The following NIBAN1 variants were observed in gnomAD, a reference collection of about 807,000 sequenced individuals.
The protein encoded by NIBAN1 is protein Niban 1.
NIBAN1 carries 81 observed loss-of-function variants against 75.1 expected under a neutral mutation model. That is an observed-to-expected ratio of 1.08 (90% CI 0.90 to 1.30). The LOEUF (loss-of-function observed/expected upper bound fraction) is 1.30. Ranked by LOEUF, NIBAN1 falls within the 50% of genes most tolerant of loss-of-function variation. NIBAN1 has a pLI of 0.00. For missense variants in NIBAN1, 1,133 were observed against 1,128.1 expected, an observed-to-expected ratio of 1.00 and a Z score of -0.06; for synonymous variants, 436 against 424.8, an observed-to-expected ratio of 1.03 and a Z score of -0.32.
chr1:184,826,633 G>T (rs1211433599), intron 6 of NIBAN1, among the ~76,000 whole-genome samples: 7 of 152,168 alleles, frequency 4.6e-5, no homozygotes, highest in Admixed American at 3.9e-4. Flanking sequence ...TCATCCTTTT[G>T]CAGAGACTGG....
At chr1:184,838,195 T>C (rs1655189315) in intron 5 of NIBAN1, among the ~76,000 whole-genome samples, 1 of 152,222 alleles carries the variant, frequency 6.6e-6, no homozygotes, top group African/African-American at 2.4e-5. Flanking sequence ...GTATTTCTGC[T>C]TTTGACTTCG....
intron 11 of NIBAN1, among the ~76,000 whole-genome samples, chr1:184,804,710 C>CTT: frequency 6.9e-6 from 1 of 144,098 alleles, no homozygotes; most frequent in East Asian, 2.0e-4. Flanking sequence ...CTGACACTAT[C>CTT]TTTTTTTTTT....
chr1:184,958,401 C>CACACACACACACAA (rs1658544949), intron 1 of NIBAN1, among the ~76,000 whole-genome samples: 1 of 138,772 alleles, frequency 7.2e-6, no homozygotes, highest in African/African-American at 2.6e-5. Flanking sequence ...CACACACACA[C>CACACACACACACAA]AAATAGCCAA....
chr1:184,797,902 ACTCAATCAAGGTTAGTAT>A (rs1254742749), intron 13 of NIBAN1, among the ~76,000 whole-genome samples, 159 bp downstream of exon 13: 2 of 152,114 alleles, frequency 1.3e-5, no homozygotes, highest in African/African-American at 4.8e-5. Context: ...TAATCATAAC[ACTCAATCAAGGTTAGTAT>A]CCTTCCTTCT....
Position 184,821,202 on chromosome 1 carries a change from T to C in NIBAN1, c.985+1965A>G, listed in dbSNP as rs1478551925. Among the ~76,000 whole-genome samples, 3 of 152,300 alleles carry C rather than the reference T, an allele frequency of 2.0e-5. No homozygotes were observed. In the South Asian group the frequency reaches 6.2e-4, roughly 32 times the overall value. ...AGAAGTAGAATAAATACTTATTGAATGAATAAATAATTGTGCAGCAGAACT... is the reference window on the plus strand; with the variant it reads ...AGAAGTAGAATAAATACTTATTGAACGAATAAATAATTGTGCAGCAGAACT... On this transcript the variant is annotated intron_variant, in intron 8 of 13. Coordinates refer to ENST00000367511, the MANE Select transcript of NIBAN1 (RefSeq NM_052966.4).
chr1:184,818,670 G>C lies in NIBAN1; in HGVS notation c.1141C>G (p.Gln381Glu). 6.2e-7 allele frequency: 1 copy of C among 1,610,816 alleles called. No individual in the cohort carries two copies. Among genetic ancestry groups the C allele is most frequent in the South Asian group, 1.1e-5 (1 of 90,726 alleles). The change falls in exon 9 of 14, where the codon CAG becomes GAG. Residue 381 changes from glutamine to glutamate, a missense_variant. Physicochemically the swap from Gln to Glu is conservative, Grantham distance 29. Coordinates refer to ENST00000367511, the MANE Select transcript of NIBAN1 (RefSeq NM_052966.4). ...AGCTGGACACTGTCTTTGGTGGTCTGGAAGTTCTGGCTGACTTCATTCACC... is the reference window on the plus strand; with the variant it reads ...AGCTGGACACTGTCTTTGGTGGTCTCGAAGTTCTGGCTGACTTCATTCACC... Reference protein sequence around the residue: ...KEVNEVSQNFQTTKDSVQLKE... With the variant: ...KEVNEVSQNFETTKDSVQLKE...
At chr1:184,917,941 A>G (rs140409865) in intron 1 of NIBAN1, among the ~76,000 whole-genome samples, 31 of 152,040 alleles carry the variant, frequency 2.0e-4, no homozygotes, top group African/African-American at 7.2e-4. Flanking sequence ...CTTCTTAATC[A>G]GTCACTCTTT....
chr1:184,911,892 G>A (rs1168695089), intron 1 of NIBAN1, among the ~76,000 whole-genome samples: 1 of 152,108 alleles, frequency 6.6e-6, no homozygotes, highest in Non-Finnish European at 1.5e-5. Flanking sequence ...TAAATAAAAT[G>A]GTGATACTAT....
rs1481955782 is a variant in NIBAN1 at position 184,970,546 on chromosome 1, C to T, written c.55+3756G>A. ...CCTTGTATAAATAAGAGGGAACTTC[C>T]CTGAGAAAAATATGTGCTATTTTAA... On this transcript the variant is annotated intron_variant, in intron 1 of 13. Coordinates refer to ENST00000367511, the MANE Select transcript of NIBAN1 (RefSeq NM_052966.4). Among the ~76,000 whole-genome samples, 6 of 152,132 alleles carry T rather than the reference C, an allele frequency of 3.9e-5. No homozygotes were observed. In the East Asian group the frequency reaches 1.2e-3, roughly 29 times the overall value.
chr1:184,795,072 C>T lies in NIBAN1; in HGVS notation c.2692G>A (p.Ala898Thr), dbSNP rs1415648588. ...IHECQWVVED[A>T]PNPDVLLSHK... ...GACAGCAGGACATCCGGGTTTGGAG[C>T]ATCCTCCACCACCCACTGACACTCA... Residue 898 changes from alanine to threonine, a missense_variant, in exon 14 of 14, where the codon GCT becomes ACT. By Grantham distance (58) the Ala-to-Thr change is moderately conservative. Transcript: ENST00000367511. The T allele has an allele frequency of 3.1e-6, 5 of 1,613,936 alleles. No individual in the cohort carries two copies. Among genetic ancestry groups the T allele is most frequent in the Admixed American group, 3.3e-5 (2 of 60,008 alleles).
chr1:184,823,489 T>C, intron 7 of NIBAN1, 149 bp downstream of exon 7: 1 of 1,233,496 alleles, frequency 8.1e-7, no homozygotes. Context: ...GGAACAGTCT[T>C]CTTGTAAGTG....
chr1:184,972,355 CTCAGGAACCTGGGCTTCAAAACCA>C (rs1658961543), intron 1 of NIBAN1, among the ~76,000 whole-genome samples: 2 of 152,224 alleles, frequency 1.3e-5, no homozygotes, highest in South Asian at 4.1e-4. Context: ...TATGATTTTA[CTCAGGAACCTGGGCTTCAAAACCA>C]TCAGGAAATC....
intron 5 of NIBAN1, among the ~76,000 whole-genome samples, chr1:184,861,928 T>G (rs889443650): frequency 1.3e-5 from 2 of 152,146 alleles, no homozygotes; most frequent in African/African-American, 4.8e-5. Context: ...GCACAGTGAC[T>G]AGTACTGTCA....
At chr1:184,962,878 G>GT (rs547075610) in intron 1 of NIBAN1, among the ~76,000 whole-genome samples, 74 of 152,140 alleles carry the variant, frequency 4.9e-4, no homozygotes, top group Middle Eastern at 3.4e-3. Flanking sequence ...AAAAAATAAT[G>GT]TTTTTTTCCT....
intron 13 of NIBAN1, among the ~76,000 whole-genome samples, chr1:184,797,828 C>T (rs1653918766): frequency 6.6e-6 from 1 of 152,234 alleles, no homozygotes; most frequent in Non-Finnish European, 1.5e-5. Context: ...TCCCATCTCA[C>T]AGCATTCATA....
At chr1:184,888,677 T>C (rs1217776223) in intron 4 of NIBAN1, among the ~76,000 whole-genome samples, 1 of 152,224 alleles carries the variant, frequency 6.6e-6, no homozygotes, top group Non-Finnish European at 1.5e-5. Flanking sequence ...TGTTTTTTAG[T>C]CCTTTTCATT....
intron 5 of NIBAN1, among the ~76,000 whole-genome samples, chr1:184,834,903 G>A (rs1655097014): frequency 6.6e-6 from 1 of 152,012 alleles, no homozygotes; most frequent in African/African-American, 2.4e-5. Flanking sequence ...CATTGCTTTT[G>A]GTGTTTCAGT....
intron 1 of NIBAN1, among the ~76,000 whole-genome samples, chr1:184,932,644 T>C (rs1410117681): frequency 6.6e-6 from 1 of 152,214 alleles, no homozygotes; most frequent in African/African-American, 2.4e-5. Flanking sequence ...GGTTGGGAAC[T>C]CCTGGTCTAG....
At chr1:184,860,753 T>C (rs911488775) in intron 5 of NIBAN1, among the ~76,000 whole-genome samples, 37 of 152,172 alleles carry the variant, frequency 2.4e-4, no homozygotes, top group African/African-American at 8.7e-4. Flanking sequence ...GAATCCAAAA[T>C]AGTCTTTCAA....
Sources: allele counts gnomAD v4.1 joint callset (sites outside exome capture counted in the v4.1 genomes callset), GRCh38; gene constraint gnomAD v4.1.1; transcripts MANE v1.5; gene names NCBI Gene and HGNC (gene_info 2026-07-23, HGNC 2026-07-21).